The following GPC5 variants were observed in gnomAD, a reference collection of about 807,000 sequenced individuals.
GPC5 encodes glypican 5, also known as glypican-5.
Under a neutral mutation model 53.9 loss-of-function variants are expected in GPC5, and 47 were observed. The ratio of observed to expected loss-of-function variants is 0.87; its 90% CI spans 0.69 to 1.11. GPC5 has a LOEUF of 1.11. Ranked by LOEUF, GPC5 falls within the 50% of genes most tolerant of loss-of-function variation. The pLI, the probability that GPC5 is intolerant of heterozygous loss-of-function variation, is 0.00. For missense variants in GPC5, 748 were observed against 713.1 expected (o/e 1.05, Z -0.56); for synonymous variants, 286 against 263.3 (o/e 1.09, Z -0.84).
intron 6 of GPC5, among the ~76,000 whole-genome samples, chr13:92,048,568 G>C (rs2041002224): frequency 6.6e-6 from 1 of 152,142 alleles, no homozygotes; most frequent in South Asian, 2.1e-4. Context: ...TATATTTTGT[G>C]TAAGTTTTAA....
At chr13:91,574,381 G>T (rs529143495) in intron 2 of GPC5, among the ~76,000 whole-genome samples, 1 of 152,218 alleles carries the variant, frequency 6.6e-6, no homozygotes, top group South Asian at 2.1e-4. Flanking sequence ...GTAGAAGAGA[G>T]TCAGGTGCTT....
chr13:92,454,376 C>G (rs1375893325), intron 7 of GPC5, among the ~76,000 whole-genome samples: 1 of 152,088 alleles, frequency 6.6e-6, no homozygotes, highest in East Asian at 1.9e-4. Flanking sequence ...TATTGCTTAT[C>G]TGTAGTATTT....
chr13:91,523,782 A>G (rs1034754952), intron 2 of GPC5, among the ~76,000 whole-genome samples: 5 of 152,218 alleles, frequency 3.3e-5, no homozygotes, highest in Admixed American at 3.3e-4. Context: ...ATTAGCTTAA[A>G]TGTAGTTAAT....
chr13:91,973,988 A>C (rs1244039219), intron 6 of GPC5, among the ~76,000 whole-genome samples: 1 of 152,176 alleles, frequency 6.6e-6, no homozygotes, highest in Non-Finnish European at 1.5e-5. Flanking sequence ...GCGTGCTGGG[A>C]GAACCACTAC....
intron 2 of GPC5, among the ~76,000 whole-genome samples, chr13:91,460,448 C>T (rs1416139487): frequency 2.6e-5 from 4 of 151,906 alleles, no homozygotes; most frequent in Non-Finnish European, 5.9e-5. Flanking sequence ...TAGGTGTATG[C>T]CACCACACCC....
At chr13:91,894,166 T>A (rs1432082048) in intron 5 of GPC5, among the ~76,000 whole-genome samples, 1 of 152,188 alleles carries the variant, frequency 6.6e-6, no homozygotes, top group Non-Finnish European at 1.5e-5. Flanking sequence ...TAAATGTACA[T>A]TTCCAGAAGG....
chr13:91,775,474 A>AT (rs762982195), intron 5 of GPC5, among the ~76,000 whole-genome samples: 72 of 152,080 alleles, frequency 4.7e-4, no homozygotes, highest in Non-Finnish European at 9.3e-4. Context: ...CAACAATGCA[A>AT]TTTTTTTGTG....
intron 6 of GPC5, among the ~76,000 whole-genome samples, chr13:92,123,263 G>T (rs1388051094): frequency 5.3e-5 from 8 of 152,048 alleles, no homozygotes. Flanking sequence ...AAAACTATTT[G>T]GTTTTGGTGG....
At chr13:92,477,011 A>C (rs1480814813) in intron 7 of GPC5, among the ~76,000 whole-genome samples, 1 of 149,770 alleles carries the variant, frequency 6.7e-6, no homozygotes, top group African/African-American at 2.5e-5. Flanking sequence ...AACCTGCACA[A>C]TGTGCACATG....
intron 7 of GPC5, among the ~76,000 whole-genome samples, chr13:92,760,473 A>T (rs1250218464): frequency 6.6e-6 from 1 of 152,066 alleles, no homozygotes; most frequent in Non-Finnish European, 1.5e-5. Flanking sequence ...AATTTTTCAT[A>T]ATAGTCTCTT....
At chr13:91,761,196 A>G (rs2037403671) in intron 5 of GPC5, among the ~76,000 whole-genome samples, 1 of 152,110 alleles carries the variant, frequency 6.6e-6, no homozygotes, top group South Asian at 2.1e-4. Context: ...TTAACAGATA[A>G]TCCTGTAACT....
At chr13:92,750,488 GA>G (rs1889356690) in intron 7 of GPC5, among the ~76,000 whole-genome samples, 1 of 152,156 alleles carries the variant, frequency 6.6e-6, no homozygotes, top group Non-Finnish European at 1.5e-5. Flanking sequence ...AGGAGAAAAT[GA>G]GAGGACAATA....
chr13:91,521,918 G>A (rs955796076), intron 2 of GPC5, among the ~76,000 whole-genome samples: 3 of 152,194 alleles, frequency 2.0e-5, no homozygotes, highest in Admixed American at 6.6e-5. Flanking sequence ...ACTTGGGTTC[G>A]ATTAATTTGC....
At chr13:92,694,817 G>C (rs1319403731) in intron 7 of GPC5, among the ~76,000 whole-genome samples, 2 of 152,128 alleles carry the variant, frequency 1.3e-5, no homozygotes, top group Non-Finnish European at 2.9e-5. Context: ...GATTTCAGAG[G>C]GGGGCATGGG....
intron 7 of GPC5, among the ~76,000 whole-genome samples, chr13:92,671,926 C>T (rs566179182): frequency 1.3e-5 from 2 of 152,224 alleles, no homozygotes; most frequent in South Asian, 4.2e-4. Context: ...AGAACGTTGA[C>T]ATTATCTTAA....
chr13:92,572,003 C>T (rs1466403906), intron 7 of GPC5, among the ~76,000 whole-genome samples: 1 of 152,036 alleles, frequency 6.6e-6, no homozygotes, highest in Non-Finnish European at 1.5e-5. Flanking sequence ...ACACTGCACG[C>T]CGGCCTGGAC....
chr13:92,667,001 T>C (rs61975931), intron 7 of GPC5, among the ~76,000 whole-genome samples: 33,565 of 152,100 alleles, frequency 0.22, 4,384 homozygotes, highest in South Asian at 0.38. Context: ...TACTGAAGCA[T>C]TTCAACAGAA....
chr13:92,347,924 T>TATAATA (rs1491168569), intron 7 of GPC5, among the ~76,000 whole-genome samples: 1 of 3,702 alleles, frequency 2.7e-4, no homozygotes, highest in Non-Finnish European at 4.4e-4. Context: ...TATATATATA[T>TATAATA]TATATATACA....
intron 4 of GPC5, among the ~76,000 whole-genome samples, chr13:91,731,277 A>G (rs2036690962): frequency 6.6e-6 from 1 of 152,220 alleles, no homozygotes; most frequent in Non-Finnish European, 1.5e-5. Context: ...TGTTTCTGAT[A>G]AGCCAACCTT....
Sources: allele counts gnomAD v4.1 joint callset (sites outside exome capture counted in the v4.1 genomes callset), GRCh38; gene constraint gnomAD v4.1.1; transcripts MANE v1.5; gene names NCBI Gene and HGNC (gene_info 2026-07-23, HGNC 2026-07-21).